Variants in PMPCB observed in about 807,000 individuals in gnomAD.
The protein encoded by PMPCB is mitochondrial-processing peptidase subunit beta.
PMPCB carries 46 observed loss-of-function variants against 61.5 expected under a neutral mutation model. The ratio of observed to expected loss-of-function variants is 0.75; its 90% CI spans 0.59 to 0.96. PMPCB has a LOEUF of 0.96. Ranked by LOEUF, PMPCB falls within the 40% of genes least tolerant of loss-of-function variation. The pLI is 0.00. For synonymous variants in PMPCB, 191 were observed against 201.6 expected (o/e 0.95, Z 0.44); for missense variants, 590 against 602.4 (o/e 0.98, Z 0.22).
intron 12 of PMPCB, chr7:103,327,666 G>A: frequency 6.3e-7 from 1 of 1,594,062 alleles, no homozygotes; most frequent in Middle Eastern, 1.7e-4. Flanking sequence ...CTTTAGTTAT[G>A]CAAGTGAAGT....
Position 103,311,644 on chromosome 7 carries a change from A to C in PMPCB, c.1156A>C (p.Met386Leu). ...CTACTGTTTTTCCACGTTTTTTAGG[A>C]TGCGACTCTGTACAAGTGTCACAGA... is the stretch of plus-strand genomic sequence containing the variant. ...DMLHVVQKEW[M>L]RLCTSVTESE... is the part of the protein sequence containing the mutation. The change falls in exon 10 of 13, where the codon ATG becomes CTG. Residue 386 changes from methionine to leucine, a missense_variant and splice_region_variant. By Grantham distance (15) the Met-to-Leu change is conservative. Transcript: ENST00000249269. The C allele has an allele frequency of 1.9e-6, 3 of 1,612,054 alleles. No individual in the cohort carries two copies. The highest frequency in any genetic ancestry group is 4.5e-5 in the East Asian group (2 of 44,840).
intron 12 of PMPCB, chr7:103,327,439 T>C (rs1343575773): frequency 6.2e-6 from 5 of 804,562 alleles, no homozygotes; most frequent in Non-Finnish European, 9.8e-6. Context: ...GCATTTCTAA[T>C]AAGCTGCCAG....
rs770694650 is a variant in PMPCB, at chr7:103,298,712, A to C, written c.240+4A>C. 59 of 1,612,688 alleles carry C rather than the reference A, an allele frequency of 3.7e-5. 1 individual carries two copies. In the South Asian group the frequency reaches 6.5e-4, roughly 18 times the overall value. On this transcript the variant is annotated splice_donor_region_variant and intron_variant, in intron 2 of 12. Transcript: ENST00000249269. ...CTCTGGGCTCTCAACATGCACAGTA[A>C]GTGACTCAGGCAACCTTCTCTAAGT...
the PMPCB span, among the ~76,000 whole-genome samples, chr7:103,339,340 C>T: frequency 6.6e-6 from 1 of 152,210 alleles, no homozygotes; most frequent in African/African-American, 2.4e-5. Flanking sequence ...ATACAATCTA[C>T]TTCTTTCTAT....
chr7:103,303,012 C>T (rs918234084), intron 4 of PMPCB, among the ~76,000 whole-genome samples: 4 of 151,822 alleles, frequency 2.6e-5, no homozygotes, highest in Non-Finnish European at 2.9e-5. Flanking sequence ...GAGAGGTATG[C>T]GCTTTTTCTG....
At chr7:103,317,036 G>A (rs1818102623), downstream of PMPCB, 2 of 1,599,670 alleles carry the variant, frequency 1.3e-6, no homozygotes. Context: ...TCATAAGTCA[G>A]GGACTTAGAA....
At chr7:103,326,577 C>T (rs1044150804) in intron 12 of PMPCB, 23 of 1,613,690 alleles carry the variant, frequency 1.4e-5, no homozygotes, top group East Asian at 8.9e-5. Context: ...GTAAACACTT[C>T]GAAGAAATTA....
the PMPCB span, among the ~76,000 whole-genome samples, chr7:103,340,099 A>G: frequency 6.6e-6 from 1 of 152,112 alleles, no homozygotes; most frequent in Non-Finnish European, 1.5e-5. Context: ...CAGCCTCCCA[A>G]AGTGCTGGGA....
chr7:103,311,425 A>G (rs1204439802), intron 9 of PMPCB: 2 of 572,394 alleles, frequency 3.5e-6, no homozygotes, highest in Non-Finnish European at 6.2e-6. Flanking sequence ...GCCCATTTGT[A>G]TAAAGCCTTT....
downstream of PMPCB, among the ~76,000 whole-genome samples, chr7:103,332,089 CT>C (rs1818998725): frequency 1.3e-5 from 2 of 151,054 alleles, no homozygotes; most frequent in South Asian, 4.2e-4. Context: ...ACTGCATGCT[CT>C]GCCTCTCGGG....
intron 7 of PMPCB, among the ~76,000 whole-genome samples, chr7:103,308,090 G>C (rs1817635759): frequency 6.6e-6 from 1 of 152,072 alleles, no homozygotes; most frequent in African/African-American, 2.4e-5. Context: ...TTTACTCTTG[G>C]CTCAGTTTTG....
chr7:103,347,525 T>TA, the PMPCB span: 1 of 581,702 alleles, frequency 1.7e-6, no homozygotes, highest in Non-Finnish European at 3.1e-6. Context: ...TTCTCACAGG[T>TA]AATCAGTCCA....
chr7:103,346,828 G>GTA, the PMPCB span, among the ~76,000 whole-genome samples: 9 of 147,182 alleles, frequency 6.1e-5, no homozygotes, highest in African/African-American at 2.0e-4. Flanking sequence ...ATGTGTGTGT[G>GTA]TGTGTGTGTG....
the PMPCB span, among the ~76,000 whole-genome samples, chr7:103,339,038 A>C: frequency 6.6e-6 from 1 of 152,246 alleles, no homozygotes; most frequent in Non-Finnish European, 1.5e-5. Flanking sequence ...AGATTTAAAA[A>C]ATAAACAAAC....
chr7:103,326,129 C>G (rs1342209567), intron 12 of PMPCB, among the ~76,000 whole-genome samples: 1 of 152,086 alleles, frequency 6.6e-6, no homozygotes, highest in African/African-American at 2.4e-5. Flanking sequence ...CAGGCATGCA[C>G]CTCCACGGCC....
chr7:103,326,827 T>C, intron 12 of PMPCB: 1 of 750,520 alleles, frequency 1.3e-6, no homozygotes, highest in Admixed American at 3.2e-5. Context: ...GAGGATTTAA[T>C]TTAGGTAACA....
intron 3 of PMPCB, 45 bp from the exon 4 acceptor site, chr7:103,300,133 T>C: frequency 6.4e-7 from 1 of 1,560,552 alleles, no homozygotes. Flanking sequence ...ATAGATGAAG[T>C]ATAAAGGGAG....
the PMPCB span, among the ~76,000 whole-genome samples, chr7:103,342,557 G>A: frequency 2.0e-5 from 3 of 151,398 alleles, no homozygotes; most frequent in Admixed American, 6.6e-5. Context: ...TGCCTGCCTC[G>A]GCCTCCCAAA....
At chr7:103,343,974 A>G in the PMPCB span, among the ~76,000 whole-genome samples, 1 of 152,226 alleles carries the variant, frequency 6.6e-6, no homozygotes. Context: ...AATACTCATG[A>G]CTGTCCTGGG....
Sources: gnomAD v4.1 joint callset for allele counts (sites outside exome capture counted in the v4.1 genomes callset) on GRCh38, gnomAD v4.1.1 for gene constraint, MANE v1.5 for transcripts, NCBI Gene and HGNC (gene_info 2026-07-23, HGNC 2026-07-21) for gene names.